The following RNGTT variants were observed in gnomAD, a reference collection of about 807,000 sequenced individuals.
RNGTT encodes the protein RNA guanylyltransferase and 5'-phosphatase, also known as mRNA-capping enzyme.
A neutral mutation model predicts 79.3 loss-of-function variants in RNGTT; 33 were observed. The ratio of observed to expected loss-of-function variants is 0.42; its 90% CI spans 0.32 to 0.56. The LOEUF (loss-of-function observed/expected upper bound fraction) is 0.56, where lower values mean the gene tolerates loss of function less well. Among genes scored for constraint, RNGTT ranks in the 20% least tolerant of loss-of-function variants. The pLI, the probability that RNGTT is intolerant of heterozygous loss-of-function variation, is 0.17. For missense variants in RNGTT, 497 were observed against 739.1 expected (o/e 0.67, Z 3.80); for synonymous variants, 222 against 235.9 (o/e 0.94, Z 0.54).
chr6:88,667,048 T>C (rs1774439938), intron 14 of RNGTT, among the ~76,000 whole-genome samples: 2 of 152,166 alleles, frequency 1.3e-5, no homozygotes, highest in Non-Finnish European at 2.9e-5. Flanking sequence ...TAATGCATTG[T>C]AAAGGACATC....
At position 88,892,014 on chromosome 6, in the gene RNGTT, C is replaced by G. The variant is rs1783067104; in HGVS notation, c.685-99G>C. ...AGACTGAGAGATAAATTAGTTTGTT[C>G]TCACAAATCTTAGCAAGTCAATATA... On this transcript the variant is annotated intron_variant, in intron 6 of 15. Coordinates refer to ENST00000369485, the MANE Select transcript of RNGTT (RefSeq NM_003800.5). 3 of 806,326 alleles carry G rather than the reference C, an allele frequency of 3.7e-6. No individual in the cohort carries two copies. The East Asian group carries it at 8.5e-5, about 23-fold the overall frequency. 49.9% of individuals were successfully genotyped at this position (806,326 alleles called of 1,614,324 possible). A position where few individuals can be genotyped will look rare whatever the true frequency, so the allele number is the denominator to read the frequency against.
intron 14 of RNGTT, among the ~76,000 whole-genome samples, chr6:88,642,868 T>G (rs1773375852): frequency 6.6e-6 from 1 of 152,244 alleles, no homozygotes; most frequent in African/African-American, 2.4e-5. Flanking sequence ...CTATACCTAG[T>G]ACAATTAAAG....
chr6:88,838,868 C>T (rs866428680), intron 11 of RNGTT, among the ~76,000 whole-genome samples: 2 of 151,934 alleles, frequency 1.3e-5, no homozygotes, highest in Non-Finnish European at 2.9e-5. Context: ...TTACAACAAC[C>T]AAAAATAATC....
At chr6:88,761,453 T>C (rs1047451093) in intron 13 of RNGTT, among the ~76,000 whole-genome samples, 5 of 152,102 alleles carry the variant, frequency 3.3e-5, no homozygotes, top group African/African-American at 1.2e-4. Flanking sequence ...ATTGCACCAC[T>C]GCACTCCAGC....
At position 88,648,674 on chromosome 6, in the gene RNGTT, C is replaced by T. The variant is rs181455793; in HGVS notation, c.1506+29679G>A. ...ACAGAGGCAGAGAAAGATAAAAACA[C>T]GCATGCATGCATTCACTCACAACCT... On this transcript the variant is annotated intron_variant, in intron 14 of 15. Transcript: ENST00000369485. 5.8e-4 allele frequency among the ~76,000 whole-genome samples: 88 copies of T among 152,212 alleles called. No homozygotes were observed. The East Asian group carries it at 0.015, about 25-fold the overall frequency.
chr6:88,941,046 G>A, intron 2 of RNGTT, 25 bp downstream of exon 2: 2 of 1,388,916 alleles, frequency 1.4e-6, no homozygotes, highest in Non-Finnish European at 2.0e-6. Context: ...TTAAATCAGT[G>A]ACAAAAATAA....
At chr6:88,719,767 A>T (rs1330245983) in intron 13 of RNGTT, among the ~76,000 whole-genome samples, 1 of 152,234 alleles carries the variant, frequency 6.6e-6, no homozygotes, top group East Asian at 1.9e-4. Flanking sequence ...CTTTCAAAAG[A>T]ATTTAATTTG....
intron 13 of RNGTT, among the ~76,000 whole-genome samples, chr6:88,739,251 A>C (rs925413765): frequency 1.3e-5 from 2 of 152,144 alleles, no homozygotes; most frequent in African/African-American, 4.8e-5. Flanking sequence ...TGGAACCAAG[A>C]ACTCTTCTAA....
intron 14 of RNGTT, among the ~76,000 whole-genome samples, chr6:88,651,550 AAAC>A (rs1303527448): frequency 2.0e-5 from 3 of 152,146 alleles, no homozygotes; most frequent in African/African-American, 7.2e-5. Context: ...TTTTGGCTTT[AAAC>A]AAATAAATTA....
chr6:88,799,746 G>A (rs990384084), intron 12 of RNGTT, among the ~76,000 whole-genome samples: 4 of 148,746 alleles, frequency 2.7e-5, no homozygotes, highest in Middle Eastern at 3.5e-3. Flanking sequence ...GAAAGGGAAC[G>A]GAATGACAAA....
At chr6:88,930,129 TATAC>T (rs918613792) in intron 2 of RNGTT, among the ~76,000 whole-genome samples, 5 of 141,902 alleles carry the variant, frequency 3.5e-5, no homozygotes, top group African/African-American at 1.1e-4. Flanking sequence ...TATATACACG[TATAC>T]ATACATATAC....
At chr6:88,682,976 C>A (rs1464080921) in intron 13 of RNGTT, among the ~76,000 whole-genome samples, 1 of 151,906 alleles carries the variant, frequency 6.6e-6, no homozygotes, top group Non-Finnish European at 1.5e-5. Context: ...TTGTAGGTTG[C>A]AGTTAAATCC....
At chr6:88,943,522 A>C (rs62429041) in intron 1 of RNGTT, among the ~76,000 whole-genome samples, 1,994 of 152,182 alleles carry the variant, frequency 0.013, 17 homozygotes, top group Non-Finnish European at 0.019. Context: ...TGTACTATGT[A>C]CCAGGCATTG....
chr6:88,808,045 A>C (rs538925673), intron 11 of RNGTT, among the ~76,000 whole-genome samples: 191 of 152,332 alleles, frequency 1.3e-3, no homozygotes, highest in African/African-American at 4.4e-3. Flanking sequence ...CTAGAATATA[A>C]GAAATTTTAA....
intron 13 of RNGTT, among the ~76,000 whole-genome samples, chr6:88,750,218 T>C (rs1410236995): frequency 6.6e-6 from 1 of 152,174 alleles, no homozygotes; most frequent in African/African-American, 2.4e-5. Flanking sequence ...AGGCAAATAC[T>C]AAATATTAAT....
chr6:88,744,815 A>T (rs1777611164), intron 13 of RNGTT, among the ~76,000 whole-genome samples: 1 of 152,194 alleles, frequency 6.6e-6, no homozygotes, highest in Non-Finnish European at 1.5e-5. Context: ...TATCATGACA[A>T]TTAAAATGAG....
chr6:88,722,535 A>G (rs1776741974), intron 13 of RNGTT, among the ~76,000 whole-genome samples: 1 of 152,194 alleles, frequency 6.6e-6, no homozygotes, highest in Admixed American at 6.5e-5. Flanking sequence ...GAGTCATAAT[A>G]AATGGTAAGA....
intron 12 of RNGTT, among the ~76,000 whole-genome samples, chr6:88,789,386 C>A (rs541738527): frequency 2.0e-5 from 3 of 152,206 alleles, no homozygotes; most frequent in East Asian, 1.9e-4. Flanking sequence ...ATGGTGAAAC[C>A]CCGTATCTAC....
intron 4 of RNGTT, among the ~76,000 whole-genome samples, chr6:88,917,259 G>T (rs1784029475): frequency 6.6e-6 from 1 of 151,730 alleles, no homozygotes; most frequent in Non-Finnish European, 1.5e-5. Flanking sequence ...CTACATTCCT[G>T]GTATAATAAA....
Sources: gnomAD v4.1 joint callset for allele counts (sites outside exome capture counted in the v4.1 genomes callset) on GRCh38, gnomAD v4.1.1 for gene constraint, MANE v1.5 for transcripts, NCBI Gene and HGNC (gene_info 2026-07-23, HGNC 2026-07-21) for gene names.